The following SF3B1 variants were observed in gnomAD, a reference collection of about 807,000 sequenced individuals.
SF3B1 encodes splicing factor 3b subunit 1.
SF3B1 carries 12 observed loss-of-function variants against 153.8 expected under a neutral mutation model. The ratio of observed to expected loss-of-function variants is 0.08; its 90% CI spans 0.05 to 0.13. The LOEUF is 0.13. Ranked by LOEUF, SF3B1 falls within the 10% of genes least tolerant of loss-of-function variation. The pLI is 1.00. For missense variants in SF3B1, 513 were observed against 1,606.1 expected (o/e 0.32, Z 11.63); for synonymous variants, 498 against 525.2 (o/e 0.95, Z 0.71).
In SF3B1 at chr2:197,401,554, A is replaced by T. The variant is rs763239529; in HGVS notation, c.2371-29T>A. ...AAAGGTTAAGAAATAGTAATAATAA[A>T]TCAACTGACCTGAAATGAAGAGAAT... On this transcript the variant is annotated intron_variant, in intron 16 of 24. Transcript: ENST00000335508. This position sits in a 1 kb window ranked among gnomAD's most constrained non-coding sequence, Gnocchi z 4.2. 6.3e-6 allele frequency: 10 copies of T among 1,597,648 alleles called. No homozygotes were observed. The highest frequency in any genetic ancestry group is 8.5e-6 in the Non-Finnish European group (10 of 1,170,492).
chr2:197,399,990 C>CG (rs1030761587), intron 20 of SF3B1, 65 bp downstream of exon 20: 43 of 1,117,248 alleles, frequency 3.8e-5, no homozygotes, highest in Admixed American at 4.5e-5. Flanking sequence ...ATTTTACTTA[C>CG]GAAAAAAAAA....
intron 6 of SF3B1, among the ~76,000 whole-genome samples, chr2:197,410,590 C>A (rs1559269974): frequency 6.8e-6 from 1 of 148,080 alleles, no homozygotes; most frequent in Non-Finnish European, 1.5e-5. Context: ...ACAGCAACCT[C>A]TGCCTCCCGG....
intron 6 of SF3B1, 187 bp downstream of exon 6, chr2:197,416,554 A>G: frequency 1.9e-6 from 1 of 533,490 alleles, no homozygotes; most frequent in Non-Finnish European, 3.3e-6. Context: ...AAAGCCCTCA[A>G]CAAACACCAA....
chr2:197,408,791 TG>T, intron 7 of SF3B1: 1 of 534,668 alleles, frequency 1.9e-6, no homozygotes, highest in Middle Eastern at 5.1e-4. Flanking sequence ...GGTGTGGTGG[TG>T]GGCGCTTGTA....
At chr2:197,404,168 T>C (rs2084963858) in intron 11 of SF3B1, among the ~76,000 whole-genome samples, 1 of 152,234 alleles carries the variant, frequency 6.6e-6, no homozygotes, top group South Asian at 2.1e-4. Flanking sequence ...TATTAGCTTT[T>C]TTAACCAAAG....
intron 4 of SF3B1, chr2:197,418,911 T>A: frequency 6.3e-7 from 1 of 1,598,430 alleles, no homozygotes; most frequent in Non-Finnish European, 8.5e-7. Context: ...CGTGCCTTTG[T>A]CTCCATCAGC....
In SF3B1 at chr2:197,393,162, C is replaced by G; in HGVS notation, c.3566G>C (p.Ser1189Thr). 1 of 1,613,936 alleles carries G rather than the reference C, an allele frequency of 6.2e-7. No homozygotes were observed. The highest frequency in any genetic ancestry group is 8.5e-7 in the Non-Finnish European group (1 of 1,179,846). Residue 1189 changes from serine to threonine, a missense_variant, in exon 24 of 25, where the codon AGT (serine) becomes ACT (threonine). This residue lies in a region of SF3B1 where 27 missense variants were observed against 126.1 expected (regional missense o/e 0.21). Coordinates refer to ENST00000335508, the MANE Select transcript of SF3B1 (RefSeq NM_012433.4). ...AAGTGACATGTGCTGTACCACTGCACTAGCCGTCTGTCTGTGTACAAGGTC... is the reference window on the plus strand; with the variant it reads ...AAGTGACATGTGCTGTACCACTGCAGTAGCCGTCTGTCTGTGTACAAGGTC... ...DRDLVHRQTA[S>T]AVVQHMSLGV...
At position 197,391,838 on chromosome 2, in the gene SF3B1, T is replaced by TATA. The variant is rs2084813064; in HGVS notation, c.*462_*464dup. 1 of 161,760 alleles carries TATA rather than the reference T, an allele frequency of 6.2e-6. No individual in the cohort carries two copies. The highest frequency in any genetic ancestry group is 6.5e-5 in the Admixed American group (1 of 15,474). 10.0% of individuals were successfully genotyped at this position (161,760 alleles called of 1,614,324 possible). A position where few individuals can be genotyped will look rare whatever the true frequency, so the allele number is the denominator to read the frequency against. The stretch of plus-strand genomic sequence containing the variant: ...AATTTTGACAAAGATGCCATCACTT[T>TATA]ATATAGTTTTTATTCAGCTAACTAC... On this transcript the variant is annotated 3_prime_UTR_variant, in exon 25 of 25. Coordinates refer to ENST00000335508, the MANE Select transcript of SF3B1 (RefSeq NM_012433.4).
intron 1 of SF3B1, among the ~76,000 whole-genome samples, chr2:197,432,651 C>T (rs548261269): frequency 2.6e-5 from 4 of 152,272 alleles, no homozygotes; most frequent in Non-Finnish European, 4.4e-5. Context: ...GGGAGGATCA[C>T]TTGTGGTCAG....
At position 197,407,899 on chromosome 2, in the gene SF3B1, T is replaced by C. The variant is rs1052573266; in HGVS notation, c.1239+99A>G. The C allele has an allele frequency of 3.8e-5, 39 of 1,017,814 alleles. No homozygotes were observed. In the African/African-American group the frequency reaches 5.5e-4, roughly 14 times the overall value. The allele number at this position is 1,017,814 out of a possible 1,614,324, so 63.0% of individuals were successfully genotyped here. ...AGCTAAGAGAATGGAATGACAATAG[T>C]AAATTTGGGCAAAGCCAATGCAAGC... On this transcript the variant is annotated intron_variant, in intron 9 of 24. Transcript: ENST00000335508.
At chr2:197,410,071 A>C in intron 6 of SF3B1, 64 bp from the exon 7 acceptor site, 2 of 1,210,132 alleles carry the variant, frequency 1.7e-6, no homozygotes, top group Non-Finnish European at 2.4e-6. Flanking sequence ...AATTTCCATA[A>C]AATAAAAAAC....
chr2:197,417,442 A>G (rs2085164823), intron 5 of SF3B1, among the ~76,000 whole-genome samples: 1 of 152,030 alleles, frequency 6.6e-6, no homozygotes, highest in South Asian at 2.1e-4. Flanking sequence ...TATATTCATA[A>G]TAGTAATGGA....
At chr2:197,399,796 CA>C (rs2084919362) in intron 20 of SF3B1, among the ~76,000 whole-genome samples, 1 of 152,144 alleles carries the variant, frequency 6.6e-6, no homozygotes, top group Admixed American at 6.6e-5. Flanking sequence ...TCCATGACTT[CA>C]AAGCTTTTTG....
chr2:197,401,459 G>C lies in SF3B1; in HGVS notation c.2437C>G (p.Pro813Ala), dbSNP rs781119515. Reference sequence around the variant, plus strand: ...TGCTGCCAGAAGTGTTTAAAAAAGGGAGGAAGAATCTCTGTTTTAATGTAG... The same window carrying C: ...TGCTGCCAGAAGTGTTTAAAAAAGGCAGGAAGAATCTCTGTTTTAATGTAG... ...ANYIKTEILP[P>A]FFKHFWQHRM... The change falls in exon 17 of 25, where the codon CCC becomes GCC. Residue 813 changes from proline to alanine, a missense_variant. Coordinates refer to ENST00000335508, the MANE Select transcript of SF3B1 (RefSeq NM_012433.4). This position sits in a 1 kb window ranked among gnomAD's most constrained non-coding sequence, Gnocchi z 4.2. The C allele has an allele frequency of 6.2e-7, 1 of 1,612,468 alleles. No homozygotes were observed. The highest frequency in any genetic ancestry group is 8.5e-7 in the Non-Finnish European group (1 of 1,178,948).
At position 197,400,702 on chromosome 2, in the gene SF3B1, T is replaced by G. The variant is rs372023141; in HGVS notation, c.2718+13A>C. On this transcript the variant is annotated intron_variant, in intron 18 of 24. Coordinates refer to ENST00000335508, the MANE Select transcript of SF3B1 (RefSeq NM_012433.4). This position sits in a 1 kb window ranked among gnomAD's most constrained non-coding sequence, Gnocchi z 5.0. ...TAAAGTTAGTAGCAATGTGCCATAA[T>G]AGTTTTCATTACCTCTGTAGTCTGT... 1.3e-6 allele frequency: 2 copies of G among 1,543,406 alleles called. No individual in the cohort carries two copies. Among genetic ancestry groups the G allele is most frequent in the Non-Finnish European group, 1.8e-6 (2 of 1,119,246 alleles).
At chr2:197,423,558 T>C (rs556142599) in intron 2 of SF3B1, among the ~76,000 whole-genome samples, 1 of 152,288 alleles carries the variant, frequency 6.6e-6, no homozygotes, top group Admixed American at 6.5e-5. Context: ...ACTTTACTCT[T>C]AACTTTATAA....
At chr2:197,422,119 C>T (rs1020805469) in intron 2 of SF3B1, among the ~76,000 whole-genome samples, 12 of 152,062 alleles carry the variant, frequency 7.9e-5, no homozygotes, top group African/African-American at 2.9e-4. Flanking sequence ...TGACAATTTC[C>T]CCCTCAGCTT....
chr2:197,431,714 C>G (rs2085440433), intron 1 of SF3B1, among the ~76,000 whole-genome samples: 1 of 152,154 alleles, frequency 6.6e-6, no homozygotes, highest in Non-Finnish European at 1.5e-5. Context: ...TGAATCCCAA[C>G]CCTCAGCTTT....
At position 197,405,406 on chromosome 2, in the gene SF3B1, T is replaced by C; in HGVS notation, c.1306A>G (p.Thr436Ala). 1 of 1,613,990 alleles carries C rather than the reference T, an allele frequency of 6.2e-7. No individual in the cohort carries two copies. The highest frequency in any genetic ancestry group is 8.5e-7 in the Non-Finnish European group (1 of 1,179,950). ...TPARKLTATP[T>A]PLGGMTGFHM... ...AAACCAGTCATACCACCCAAAGGTG[T>C]TGGAGTAGCTGTCAGCTTTCGAGCT... The change falls in exon 10 of 25, where the codon ACA becomes GCA. Residue 436 changes from threonine to alanine, a missense_variant. By Grantham distance (58) the Thr-to-Ala change is moderately conservative. Coordinates refer to ENST00000335508, the MANE Select transcript of SF3B1 (RefSeq NM_012433.4).
Sources: gnomAD v4.1 joint callset for allele counts (sites outside exome capture counted in the v4.1 genomes callset) on GRCh38, gnomAD v4.1.1 for gene constraint, gnomAD v4.1.1 regional missense constraint, Gnocchi (gnomAD v3.1) non-coding constraint, MANE v1.5 for transcripts, NCBI Gene and HGNC (gene_info 2026-07-23, HGNC 2026-07-21) for gene names.